Variants in MALRD1 observed in about 807,000 individuals in gnomAD.
The protein encoded by MALRD1 is MAM and LDL-receptor class A domain-containing protein 1.
In MALRD1, 247 loss-of-function variants were observed where a neutral mutation model predicts 242.1. That is an observed-to-expected ratio of 1.02 (90% CI 0.92 to 1.13). The LOEUF is 1.13. Among genes scored for constraint, MALRD1 ranks in the 50% most tolerant of loss-of-function variants. The probability of loss-of-function intolerance (pLI) is 0.00; values close to 1 mark genes in which losing one functional copy is unlikely to be tolerated. For missense variants in MALRD1, 2,989 were observed against 2,533.1 expected, an observed-to-expected ratio of 1.18 and a Z score of -3.86; for synonymous variants, 995 against 866.6, an observed-to-expected ratio of 1.15 and a Z score of -2.60.
chr10:19,598,629 C>G (rs1160790432), intron 34 of MALRD1, among the ~76,000 whole-genome samples: 6 of 151,720 alleles, frequency 4.0e-5, no homozygotes, highest in African/African-American at 1.5e-4. Flanking sequence ...TACCTGAGAC[C>G]CATGCACATG....
chr10:19,137,587 G>A (rs896054211), intron 10 of MALRD1, among the ~76,000 whole-genome samples: 3 of 135,680 alleles, frequency 2.2e-5, no homozygotes, highest in Non-Finnish European at 3.1e-5. Context: ...CAGCCCAGGC[G>A]ACAGCGTGAG....
intron 9 of MALRD1, among the ~76,000 whole-genome samples, chr10:19,135,679 G>A (rs12356422): frequency 3.9e-5 from 6 of 152,162 alleles, no homozygotes; most frequent in African/African-American, 1.4e-4. Context: ...TATGACTGAG[G>A]GAACTAAATT....
chr10:19,315,614 T>TATTTATATAAA (rs1842662395), intron 21 of MALRD1, among the ~76,000 whole-genome samples: 1 of 106,228 alleles, frequency 9.4e-6, no homozygotes, highest in Non-Finnish European at 1.8e-5. Context: ...TTATAAATAT[T>TATTTATATAAA]TATATAAATT....
chr10:19,187,266 T>C (rs1835781166), intron 14 of MALRD1, among the ~76,000 whole-genome samples: 1 of 151,966 alleles, frequency 6.6e-6, no homozygotes, highest in Non-Finnish European at 1.5e-5. Context: ...GAATAAATTA[T>C]GTACTATTTT....
rs1206835283 is a variant in MALRD1, at chr10:19,332,609, AT to A, written c.3901+1029del. Among the ~76,000 whole-genome samples the A allele has an allele frequency of 4.6e-5, 7 of 152,304 alleles. No individual in the cohort carries two copies. The South Asian group carries it at 1.2e-3, about 27-fold the overall frequency. On this transcript the variant is annotated intron_variant, in intron 24 of 39. Transcript: ENST00000454679. ...CCTTTAATAATTTCTGAGCTAGAAT[AT>A]TGCAGTTTGATATTATTTGCTTCTT...
chr10:19,298,071 A>G (rs947726417), intron 21 of MALRD1, among the ~76,000 whole-genome samples: 1 of 152,048 alleles, frequency 6.6e-6, no homozygotes, highest in Admixed American at 6.6e-5. Flanking sequence ...TATTTAGCTC[A>G]TGGTCTGCAG....
At chr10:19,102,105 A>G (rs1239436862) in intron 4 of MALRD1, among the ~76,000 whole-genome samples, 1 of 145,204 alleles carries the variant, frequency 6.9e-6, no homozygotes, top group Non-Finnish European at 1.5e-5. Flanking sequence ...TATATCATAT[A>G]TGATATATGA....
At chr10:19,513,670 C>A (rs1342444612) in intron 31 of MALRD1, among the ~76,000 whole-genome samples, 1 of 151,628 alleles carries the variant, frequency 6.6e-6, no homozygotes, top group Non-Finnish European at 1.5e-5. Flanking sequence ...ACCCGGGAGG[C>A]GGCGGTTGCA....
chr10:19,133,640 C>T (rs914100438), intron 8 of MALRD1, among the ~76,000 whole-genome samples: 2 of 152,074 alleles, frequency 1.3e-5, no homozygotes, highest in African/African-American at 2.4e-5. Flanking sequence ...TACTGTTTAT[C>T]TGCAAAAAGC....
intron 17 of MALRD1, among the ~76,000 whole-genome samples, 178 bp downstream of exon 17, chr10:19,205,443 T>C (rs1266666582): frequency 6.6e-6 from 1 of 151,226 alleles, no homozygotes; most frequent in Non-Finnish European, 1.5e-5. Context: ...TATTAGATAC[T>C]AGATACTAGA....
In MALRD1 at chr10:19,595,302, T is replaced by TGA. The variant is rs1468394246; in HGVS notation, c.5789_5790insGA (p.Ile1930MetfsTer99). 1.2e-5 allele frequency: 18 copies of TGA among 1,550,714 alleles called. No homozygotes were observed. Among genetic ancestry groups the TGA allele is most frequent in the Non-Finnish European group, 1.5e-5 (17 of 1,147,026 alleles). On this transcript the variant is annotated frameshift_variant, in exon 34 of 40. Coordinates refer to ENST00000454679, the MANE Select transcript of MALRD1 (RefSeq NM_001142308.3). LOFTEE classifies it high-confidence loss of function. ...AAATGTGATGGACATGAAGACTGCA[T>TGA]AGATGGATCTGATGAAATGGATTGT...
rs535592293 is a variant in MALRD1 at position 19,541,016 on chromosome 10, A to G, written c.5478+9665A>G. 4.6e-5 allele frequency among the ~76,000 whole-genome samples: 7 copies of G among 151,974 alleles called. No individual in the cohort carries two copies. In the East Asian group the frequency reaches 1.3e-3, roughly 29 times the overall value. ...TTAAGTGGGTACTAGTTTGTATAAC[A>G]TATGCTTAAGGCAATAGAAACATCA... On this transcript the variant is annotated intron_variant, in intron 32 of 39. Transcript: ENST00000454679.
At chr10:19,173,818 T>A (rs1270987266) in intron 13 of MALRD1, among the ~76,000 whole-genome samples, 1 of 152,202 alleles carries the variant, frequency 6.6e-6, no homozygotes, top group Non-Finnish European at 1.5e-5. Flanking sequence ...TCTTTGAGTC[T>A]CCTAGTATCT....
chr10:19,365,698 A>G (rs564632431), intron 26 of MALRD1, among the ~76,000 whole-genome samples: 3 of 140,478 alleles, frequency 2.1e-5, no homozygotes, highest in East Asian at 4.3e-4. Context: ...ACAAGCTACT[A>G]TGTTTTTTGA....
intron 29 of MALRD1, among the ~76,000 whole-genome samples, chr10:19,487,363 GTTTA>G (rs1198348214): frequency 6.6e-6 from 1 of 150,630 alleles, no homozygotes; most frequent in Non-Finnish European, 1.5e-5. Flanking sequence ...TTTTTTATTT[GTTTA>G]TTTTTCTTTG....
At chr10:19,427,644 T>G (rs16918756) in intron 28 of MALRD1, among the ~76,000 whole-genome samples, 23,531 of 152,098 alleles carry the variant, frequency 0.15, 3,993 homozygotes, top group African/African-American at 0.43. Flanking sequence ...AGTAGTCTGA[T>G]CCTCAATTTC....
At chr10:19,282,264 T>G (rs1311181681) in intron 20 of MALRD1, among the ~76,000 whole-genome samples, 2 of 152,216 alleles carry the variant, frequency 1.3e-5, no homozygotes, top group Non-Finnish European at 2.9e-5. Flanking sequence ...TGAAAACACT[T>G]TTTTAAATGT....
rs368611433 is a variant in MALRD1, at chr10:19,363,850, T to G, written c.4441+11553T>G. On this transcript the variant is annotated intron_variant, in intron 26 of 39. Coordinates refer to ENST00000454679, the MANE Select transcript of MALRD1 (RefSeq NM_001142308.3). ...AATTCTAACTCCCAAGACATCCCAC[T>G]TCCAGTGTCCCATAAGTCAGTATTT... 7.2e-5 allele frequency among the ~76,000 whole-genome samples: 11 copies of G among 152,224 alleles called. No homozygotes were observed. The South Asian group carries it at 2.3e-3, about 32-fold the overall frequency.
At chr10:19,069,494 T>C (rs970254545) in intron 2 of MALRD1, among the ~76,000 whole-genome samples, 1 of 152,048 alleles carries the variant, frequency 6.6e-6, no homozygotes, top group Non-Finnish European at 1.5e-5. Flanking sequence ...ACTCTTTATT[T>C]CTTCTACCTA....
Sources: allele counts gnomAD v4.1 joint callset (sites outside exome capture counted in the v4.1 genomes callset), GRCh38; gene constraint gnomAD v4.1.1; transcripts MANE v1.5; gene names NCBI Gene and HGNC (gene_info 2026-07-23, HGNC 2026-07-21).